RPN2: variants seen among roughly 807,000 people sequenced by gnomAD.
RPN2 encodes ribophorin II.
A neutral mutation model predicts 71.4 loss-of-function variants in RPN2; 29 were observed. The ratio of observed to expected loss-of-function variants is 0.41; its 90% CI spans 0.30 to 0.55. RPN2 has a LOEUF of 0.55. RPN2 is among the 20% of genes least tolerant of loss of function. RPN2 has a pLI of 0.35. For synonymous variants in RPN2, 308 were observed against 305.0 expected (o/e 1.01, Z -0.10); for missense variants, 726 against 774.1 (o/e 0.94, Z 0.74).
intron 9 of RPN2, among the ~76,000 whole-genome samples, chr20:37,216,907 A>T (rs117646279): frequency 1.3e-5 from 2 of 150,684 alleles, no homozygotes; most frequent in Admixed American, 6.7e-5. Flanking sequence ...TTGTTTGTTT[A>T]TATGCATTGC....
intron 2 of RPN2, among the ~76,000 whole-genome samples, chr20:37,184,956 C>A (rs1270183193): frequency 6.6e-6 from 1 of 152,060 alleles, no homozygotes; most frequent in Non-Finnish European, 1.5e-5. Context: ...GTGAGACTGT[C>A]CAATAACACA....
At chr20:37,193,561 C>T (rs1002816176) in intron 2 of RPN2, among the ~76,000 whole-genome samples, 20 of 152,272 alleles carry the variant, frequency 1.3e-4, no homozygotes, top group Admixed American at 9.8e-4. Context: ...TCGTGATTCA[C>T]CTTGCATTTT....
intron 14 of RPN2, 29 bp downstream of exon 14, chr20:37,232,420 A>G (rs1317927212): frequency 3.7e-6 from 6 of 1,613,156 alleles, no homozygotes; most frequent in Non-Finnish European, 5.1e-6. Flanking sequence ...CGTGGGCAGC[A>G]TGCGTCTGGC....
intron 10 of RPN2, 32 bp downstream of exon 10, chr20:37,224,001 G>GC (rs1568991884): frequency 6.3e-7 from 1 of 1,580,872 alleles, no homozygotes; most frequent in Non-Finnish European, 8.7e-7. Context: ...CACTCAGGGA[G>GC]CTGAGGCTCA....
At chr20:37,184,022 C>T in intron 1 of RPN2, 158 bp from the exon 2 acceptor site, 1 of 800,134 alleles carries the variant, frequency 1.2e-6, no homozygotes, top group Non-Finnish European at 2.1e-6. Flanking sequence ...AGAGCAGGCT[C>T]CCTGCCTTCC....
intron 2 of RPN2, among the ~76,000 whole-genome samples, chr20:37,196,234 C>CTT (rs2067254481): frequency 7.1e-6 from 1 of 140,838 alleles, no homozygotes. Flanking sequence ...CTCCCCCCCA[C>CTT]CTTTTTTTTT....
chr20:37,200,480 G>A (rs900663394), intron 4 of RPN2: 6 of 532,792 alleles, frequency 1.1e-5, no homozygotes, highest in Middle Eastern at 3.2e-4. Context: ...AATCCCGTTC[G>A]TTGTTTAGCA....
chr20:37,225,924 AC>A, intron 11 of RPN2, 122 bp downstream of exon 11: 1 of 742,614 alleles, frequency 1.3e-6, no homozygotes, highest in Non-Finnish European at 2.4e-6. Context: ...TTTTGACCGA[AC>A]CCTGACAGTC....
intron 11 of RPN2, among the ~76,000 whole-genome samples, chr20:37,227,019 C>A (rs117574357): frequency 6.6e-6 from 1 of 152,216 alleles, no homozygotes; most frequent in Non-Finnish European, 1.5e-5. Flanking sequence ...AACCTTCTTG[C>A]TTTCTGTTTC....
chr20:37,238,691 G>C (rs529470152), intron 16 of RPN2: 1 of 733,714 alleles, frequency 1.4e-6, no homozygotes, highest in South Asian at 1.4e-5. Context: ...CTTTGGCCTG[G>C]CTTTGACTGT....
chr20:37,198,943 C>T (rs139490635), intron 3 of RPN2, 107 bp from the exon 4 acceptor site: 15 of 892,338 alleles, frequency 1.7e-5, no homozygotes, highest in East Asian at 1.2e-4. Flanking sequence ...TGAGCATGTG[C>T]GAGGCGGAGG....
intron 9 of RPN2, among the ~76,000 whole-genome samples, chr20:37,215,277 A>G (rs2067779928): frequency 6.6e-6 from 1 of 152,188 alleles, no homozygotes; most frequent in African/African-American, 2.4e-5. Flanking sequence ...ATGCGGCATT[A>G]CTTCCCATAG....
At chr20:37,231,581 G>T (rs1011139834) in intron 13 of RPN2, among the ~76,000 whole-genome samples, 1 of 151,908 alleles carries the variant, frequency 6.6e-6, no homozygotes, top group Non-Finnish European at 1.5e-5. Context: ...GTGTGGTGGC[G>T]CGTACCTGTA....
chr20:37,237,153 C>T (rs1216933944), intron 16 of RPN2, among the ~76,000 whole-genome samples: 1 of 152,074 alleles, frequency 6.6e-6, no homozygotes, highest in Non-Finnish European at 1.5e-5. Flanking sequence ...TTATTTCCCA[C>T]AGAAGCTGCA....
intron 4 of RPN2, among the ~76,000 whole-genome samples, chr20:37,203,027 T>G (rs1397432917): frequency 5.3e-5 from 8 of 152,098 alleles, no homozygotes; most frequent in Admixed American, 5.2e-4. Flanking sequence ...CTAGCTCAAG[T>G]GATCCTCCTA....
chr20:37,218,639 T>C (rs1383668237), intron 9 of RPN2, among the ~76,000 whole-genome samples: 1 of 152,110 alleles, frequency 6.6e-6, no homozygotes, highest in Admixed American at 6.6e-5. Context: ...CATTCCAGAA[T>C]ATATTTATCA....
intron 1 of RPN2, among the ~76,000 whole-genome samples, chr20:37,182,298 T>C (rs2066902817): frequency 6.6e-6 from 1 of 152,070 alleles, no homozygotes; most frequent in Non-Finnish European, 1.5e-5. Context: ...TTCACCATGT[T>C]GGCCAGGCTG....
chr20:37,213,527 C>T (rs1420185154), intron 8 of RPN2, among the ~76,000 whole-genome samples: 2 of 151,982 alleles, frequency 1.3e-5, no homozygotes, highest in Non-Finnish European at 2.9e-5. Context: ...AGTTTTGAGA[C>T]TGTGGTGAGC....
In RPN2 at chr20:37,184,327, C is replaced by G. The variant is rs767898174; in HGVS notation, c.161C>G (p.Ser54Cys). 6.2e-7 allele frequency: 1 copy of G among 1,614,182 alleles called. No individual in the cohort carries two copies. The highest frequency in any genetic ancestry group is 1.3e-5 in the African/African-American group (1 of 75,038). Reference sequence around the variant, plus strand: ...ACAAATTTGGAATCTGCCTTCTACTCCATCGTGGGACTCAGCAGCCTTGGT... The same window carrying G: ...ACAAATTTGGAATCTGCCTTCTACTGCATCGTGGGACTCAGCAGCCTTGGT... The part of the protein sequence containing the change: ...PFTNLESAFY[S>C]IVGLSSLGAQ... Residue 54 changes from serine to cysteine, a missense_variant, in exon 2 of 17, where the codon TCC (serine) becomes TGC (cysteine). Transcript: ENST00000237530.
Sources: gnomAD v4.1 joint callset for allele counts (sites outside exome capture counted in the v4.1 genomes callset) on GRCh38, gnomAD v4.1.1 for gene constraint, MANE v1.5 for transcripts, NCBI Gene and HGNC (gene_info 2026-07-23, HGNC 2026-07-21) for gene names.